Variants in MAGI1 observed in about 807,000 individuals in gnomAD.
MAGI1 encodes the protein membrane-associated guanylate kinase, WW and PDZ domain-containing protein 1.
In MAGI1, 58 loss-of-function variants were observed where a neutral mutation model predicts 139.9. That is an observed-to-expected ratio of 0.41 (90% CI 0.34 to 0.52). The LOEUF (loss-of-function observed/expected upper bound fraction) is 0.52, where lower values mean the gene tolerates loss of function less well. MAGI1 is among the 20% of genes least tolerant of loss of function. The probability of loss-of-function intolerance (pLI) is 0.12; values close to 1 mark genes in which losing one functional copy is unlikely to be tolerated. For synonymous variants in MAGI1, 812 were observed against 737.9 expected (o/e 1.10, Z -1.63); for missense variants, 1,874 against 1,901.6 (o/e 0.99, Z 0.27).
chr3:65,411,725 A>C (rs1945806154), intron 12 of MAGI1, among the ~76,000 whole-genome samples: 1 of 152,108 alleles, frequency 6.6e-6, no homozygotes, highest in African/African-American at 2.4e-5. Flanking sequence ...TCTTATCCCA[A>C]CTGCTTATTT....
intron 1 of MAGI1, among the ~76,000 whole-genome samples, chr3:65,962,302 T>C (rs2064478336): frequency 6.6e-6 from 1 of 151,630 alleles, no homozygotes; most frequent in Non-Finnish European, 1.5e-5. Context: ...TTTGTATTTT[T>C]AGTAGAGACG....
intron 1 of MAGI1, among the ~76,000 whole-genome samples, chr3:65,778,499 T>C (rs189550113): frequency 6.6e-6 from 1 of 151,506 alleles, no homozygotes; most frequent in African/African-American, 2.4e-5. Flanking sequence ...AAGATAACAT[T>C]TGTTGAATAT....
intron 1 of MAGI1, among the ~76,000 whole-genome samples, chr3:66,013,655 G>A (rs1270716263): frequency 1.3e-5 from 2 of 151,276 alleles, no homozygotes; most frequent in Non-Finnish European, 2.9e-5. Flanking sequence ...CAGCTACTCG[G>A]GAGACTGAAG....
Position 65,356,728 on chromosome 3 carries a change from G to C in MAGI1, c.4039C>G (p.Arg1347Gly). ...CGCCTCCGCTCCGGAGAGACGTCTC[G>C]TCTCTTCTCGTGCTTCTCCCTCCTC... ...LERREKHEKR[R>G]DVSPERRRER... is the part of the protein sequence containing the mutation. Residue 1347 changes from arginine to glycine, a missense_variant, in exon 23 of 23, where the codon CGA becomes GGA. Arg to Gly is a moderately radical substitution (Grantham distance 125, BLOSUM62 -2). Transcript: ENST00000402939. The C allele has an allele frequency of 2.5e-6, 4 of 1,593,676 alleles. No homozygotes were observed.
Position 65,529,043 on chromosome 3 carries a change from T to A in MAGI1, c.431-35412A>T, listed in dbSNP as rs560983588. Among the ~76,000 whole-genome samples, 60 of 152,136 alleles carry A rather than the reference T, an allele frequency of 3.9e-4. 1 individual carries two copies. Among genetic ancestry groups the A allele is most frequent in the African/African-American group, 1.4e-3 (57 of 41,510 alleles). On this transcript the variant is annotated intron_variant, in intron 2 of 22. Transcript: ENST00000402939. ...CCTGGGCAACAGATGGAGACCCTGT[T>A]TCAAAACCAACCAACCAACCAACAA...
chr3:65,656,494 A>G (rs1566396), intron 1 of MAGI1, among the ~76,000 whole-genome samples: 1 of 151,952 alleles, frequency 6.6e-6, no homozygotes, highest in South Asian at 2.1e-4. Flanking sequence ...AATTCTAAAC[A>G]TTATGCAAGT....
At chr3:65,391,390 A>G (rs1943910832) in intron 13 of MAGI1, 32 bp from the exon 14 acceptor site, 16 of 1,581,056 alleles carry the variant, frequency 1.0e-5, no homozygotes, top group Non-Finnish European at 1.4e-5. Context: ...GGGCAAGAAG[A>G]AAAGATTATT....
chr3:66,013,470 A>G (rs1388178986), intron 1 of MAGI1, among the ~76,000 whole-genome samples: 1 of 150,896 alleles, frequency 6.6e-6, no homozygotes, highest in African/African-American at 2.4e-5. Flanking sequence ...AAATTAAAGA[A>G]AAAGATAGAG....
intron 22 of MAGI1, chr3:65,360,933 C>T (rs774884424): frequency 3.6e-6 from 5 of 1,395,284 alleles, no homozygotes; most frequent in African/African-American, 1.4e-5. Context: ...CGCTCTTGGT[C>T]GGACTAGACA....
intron 2 of MAGI1, among the ~76,000 whole-genome samples, chr3:65,593,102 A>T (rs972273654): frequency 2.0e-5 from 3 of 152,192 alleles, no homozygotes; most frequent in African/African-American, 7.2e-5. Flanking sequence ...CTAGAAAGGG[A>T]TATAGCAAAA....
intron 2 of MAGI1, among the ~76,000 whole-genome samples, chr3:65,551,448 G>T (rs887660917): frequency 6.6e-6 from 1 of 152,012 alleles, no homozygotes; most frequent in Non-Finnish European, 1.5e-5. Flanking sequence ...TTACAGGCAC[G>T]CACCACCGCG....
chr3:65,429,604 G>A lies in MAGI1; in HGVS notation c.2083C>T (p.Gln695Ter). The A allele has an allele frequency of 6.2e-7, 1 of 1,613,964 alleles. No individual in the cohort carries two copies. The highest frequency in any genetic ancestry group is 8.5e-7 in the Non-Finnish European group (1 of 1,179,928). ...ACCACTTGGTTGTGAGTTAGGGCCT[G>A]CACGTTCTTCTTATTAACTTCCACT... ...LIVEVNKKNVQALTHNQVVDM... is the reference protein window; with the variant it reads ...LIVEVNKKNV The change falls in exon 12 of 23, where the codon CAG (glutamine) becomes TAG (stop). Residue 695 changes from glutamine to a stop codon, truncating the protein, a stop_gained. Coordinates refer to ENST00000402939, the MANE Select transcript of MAGI1 (RefSeq NM_001033057.2). LOFTEE classifies it high-confidence loss of function.
intron 1 of MAGI1, among the ~76,000 whole-genome samples, chr3:65,634,573 GATA>G (rs2084494208): frequency 6.6e-6 from 1 of 152,198 alleles, no homozygotes; most frequent in African/African-American, 2.4e-5. Context: ...ATCAGGTGGG[GATA>G]ATAATAGTAT....
intron 1 of MAGI1, among the ~76,000 whole-genome samples, chr3:65,675,475 G>GA (rs1385465585): frequency 2.0e-5 from 3 of 152,038 alleles, no homozygotes; most frequent in Non-Finnish European, 2.9e-5. Flanking sequence ...ACAGAACACA[G>GA]AAAAAATTAT....
At chr3:65,962,049 T>C (rs1455186670) in intron 1 of MAGI1, among the ~76,000 whole-genome samples, 4 of 152,006 alleles carry the variant, frequency 2.6e-5, no homozygotes, top group Non-Finnish European at 5.9e-5. Flanking sequence ...CTCCTATCCG[T>C]CATATCAGTA....
In MAGI1 at chr3:65,830,338, A is replaced by G. The variant is rs371752600; in HGVS notation, c.313+207658T>C. ...TAAAAGGAGAGAGAGAAAAAAAAAA[A>G]CACAGAGAGAGAGAAAGAAAACATA... On this transcript the variant is annotated intron_variant, in intron 1 of 22. Coordinates refer to ENST00000402939, the MANE Select transcript of MAGI1 (RefSeq NM_001033057.2). Among the ~76,000 whole-genome samples, 5 of 152,150 alleles carry G rather than the reference A, an allele frequency of 3.3e-5. No homozygotes were observed. The East Asian group carries it at 9.6e-4, about 29-fold the overall frequency.
In MAGI1 at chr3:65,381,878, C is replaced by T. The variant is rs771285835; in HGVS notation, c.2700G>A (p.Ala900=). 6.2e-6 allele frequency: 10 copies of T among 1,606,632 alleles called. No homozygotes were observed. Among genetic ancestry groups the T allele is most frequent in the South Asian group, 1.1e-5 (1 of 89,602 alleles). ...NLTVRRKVVF[A]VPKTENEVPS... ...TGAAGGAATGAATGAAATACATACC[C>T]GCAAAAACCACTTTACGCCGCACCG... Residue 900 remains alanine (A), a splice_region_variant and synonymous_variant, in exon 16 of 23, where the codon GCG becomes GCA. Transcript: ENST00000402939.
intron 1 of MAGI1, among the ~76,000 whole-genome samples, chr3:65,757,409 C>A (rs1196600852): frequency 1.3e-5 from 2 of 152,196 alleles, no homozygotes; most frequent in African/African-American, 4.8e-5. Flanking sequence ...CATTGGGAGG[C>A]TGAGGCAAGT....
intron 1 of MAGI1, among the ~76,000 whole-genome samples, chr3:65,817,895 A>C (rs1191290184): frequency 6.6e-6 from 1 of 152,226 alleles, no homozygotes; most frequent in African/African-American, 2.4e-5. Flanking sequence ...GCTAATCGTA[A>C]AAGAAATTTG....
Sources: allele counts gnomAD v4.1 joint callset (sites outside exome capture counted in the v4.1 genomes callset), GRCh38; gene constraint gnomAD v4.1.1; transcripts MANE v1.5; gene names NCBI Gene and HGNC (gene_info 2026-07-23, HGNC 2026-07-21).